The following KAZN variants were observed in gnomAD, a reference collection of about 807,000 sequenced individuals.
KAZN encodes the protein kazrin.
In KAZN, 40 loss-of-function variants were observed where a neutral mutation model predicts 87.4. The ratio of observed to expected loss-of-function variants is 0.46; its 90% confidence interval spans 0.36 to 0.60. The LOEUF is 0.60. Among genes scored for constraint, KAZN ranks in the 20% least tolerant of loss-of-function variants. The pLI is 0.00. For synonymous variants in KAZN, 466 were observed against 458.3 expected, an observed-to-expected ratio of 1.02 and a Z score of -0.22; for missense variants, 898 against 1,073.9, an observed-to-expected ratio of 0.84 and a Z score of 2.29.
intron 1 of KAZN, among the ~76,000 whole-genome samples, chr1:14,139,290 C>T (rs374809280): frequency 2.0e-5 from 3 of 152,290 alleles, no homozygotes; most frequent in East Asian, 3.9e-4. Flanking sequence ...CCAAGCTTCT[C>T]GCTATGGTAA....
chr1:14,037,227 A>G (rs146522113), intron 1 of KAZN, among the ~76,000 whole-genome samples: 5 of 152,354 alleles, frequency 3.3e-5, no homozygotes, highest in South Asian at 4.1e-4. Context: ...TAATGGCTAC[A>G]TGGCAGTTCC....
chr1:14,592,227 G>A (rs1162118206), intron 2 of KAZN, among the ~76,000 whole-genome samples: 2 of 152,208 alleles, frequency 1.3e-5, no homozygotes, highest in Non-Finnish European at 2.9e-5. Context: ...CGTCTGTGGA[G>A]AGGGAGGGTA....
intron 13 of KAZN, among the ~76,000 whole-genome samples, chr1:15,109,687 ATG>A (rs1302910365): frequency 2.7e-5 from 4 of 150,340 alleles, no homozygotes; most frequent in Non-Finnish European, 5.9e-5. Context: ...ATATGGGTGT[ATG>A]TGTATGTTTG....
chr1:14,494,713 C>T (rs1157868661), intron 2 of KAZN, among the ~76,000 whole-genome samples: 1 of 152,168 alleles, frequency 6.6e-6, no homozygotes, highest in Non-Finnish European at 1.5e-5. Context: ...CCAAAATCTC[C>T]AGGAAGCATT....
At chr1:14,350,612 G>A (rs1388112654) in intron 2 of KAZN, among the ~76,000 whole-genome samples, 1 of 152,326 alleles carries the variant, frequency 6.6e-6, no homozygotes, top group East Asian at 1.9e-4. Context: ...TGAATATCCA[G>A]CAATGCACTG....
At chr1:14,913,280 G>A (rs1260829316) in intron 1 of KAZN, among the ~76,000 whole-genome samples, 1 of 152,184 alleles carries the variant, frequency 6.6e-6, no homozygotes, top group African/African-American at 2.4e-5. Context: ...TGATCTGGGA[G>A]AAACATTCCA....
intron 1 of KAZN, among the ~76,000 whole-genome samples, chr1:14,912,146 A>C (rs1287175959): frequency 4.3e-4 from 2 of 4,662 alleles, no homozygotes; most frequent in Non-Finnish European, 1.1e-3. Context: ...CTCCACCTCA[A>C]AAAAAAAAAA....
chr1:14,312,398 C>G (rs1308111497), intron 2 of KAZN, among the ~76,000 whole-genome samples: 3 of 152,140 alleles, frequency 2.0e-5, no homozygotes, highest in Non-Finnish European at 2.9e-5. Flanking sequence ...GTTTTCCCAA[C>G]TTAATAGATA....
intron 2 of KAZN, among the ~76,000 whole-genome samples, chr1:14,375,647 G>A (rs796476103): frequency 6.6e-6 from 1 of 152,168 alleles, no homozygotes; most frequent in African/African-American, 2.4e-5. Flanking sequence ...AGCACTTTGG[G>A]AGGCCGAGGT....
At chr1:14,509,339 A>G (rs1006896227) in intron 2 of KAZN, among the ~76,000 whole-genome samples, 2 of 152,220 alleles carry the variant, frequency 1.3e-5, no homozygotes, top group Non-Finnish European at 2.9e-5. Flanking sequence ...GAAGTGACTT[A>G]GCTTAAGTCA....
chr1:13,963,702 CAAA>C (rs775519210), intron 1 of KAZN, among the ~76,000 whole-genome samples: 4,186 of 151,638 alleles, frequency 0.028, 80 homozygotes, highest in Middle Eastern at 0.068. Context: ...AACAAAAAAA[CAAA>C]AAACCTTCAT....
chr1:15,081,003 G>C lies in KAZN; in HGVS notation c.1223-13177G>C, dbSNP rs899227040. On this transcript the variant is annotated intron_variant, in intron 8 of 14. Coordinates refer to ENST00000376030, the MANE Select transcript of KAZN (RefSeq NM_201628.3). This position sits in a 1 kb window ranked among gnomAD's most constrained non-coding sequence, Gnocchi z 4.1. ...AGTGCCAAAGTTCAGAGGCCTTGCCGTAGGCAGAGGGACAAGAGAATGGTA... is the reference window on the plus strand; with the variant it reads ...AGTGCCAAAGTTCAGAGGCCTTGCCCTAGGCAGAGGGACAAGAGAATGGTA... 6.6e-6 allele frequency among the ~76,000 whole-genome samples: 1 copy of C among 152,270 alleles called. No homozygotes were observed. Among genetic ancestry groups the C allele is most frequent in the African/African-American group, 2.4e-5 (1 of 41,480 alleles).
intron 2 of KAZN, among the ~76,000 whole-genome samples, chr1:14,342,932 G>A (rs1479416229): frequency 6.6e-6 from 1 of 152,176 alleles, no homozygotes; most frequent in Non-Finnish European, 1.5e-5. Flanking sequence ...CCTGAGGTCA[G>A]GAGTTTGAGA....
At chr1:14,465,988 A>G (rs1488724126) in intron 2 of KAZN, among the ~76,000 whole-genome samples, 1 of 152,194 alleles carries the variant, frequency 6.6e-6, no homozygotes, top group East Asian at 1.9e-4. Flanking sequence ...AATTGACTGC[A>G]GCATTCAGTA....
chr1:14,101,700 T>C (rs575930569), intron 1 of KAZN, among the ~76,000 whole-genome samples: 54 of 152,236 alleles, frequency 3.5e-4, no homozygotes, highest in Non-Finnish European at 7.2e-4. Flanking sequence ...GAGTTTCCTT[T>C]AATATTTACA....
At chr1:14,606,491 C>T (rs1677370212) in intron 1 of KAZN, among the ~76,000 whole-genome samples, 1 of 152,108 alleles carries the variant, frequency 6.6e-6, no homozygotes, top group Non-Finnish European at 1.5e-5. Context: ...CTATTTTGAT[C>T]CTGGACTTGG....
chr1:14,708,675 C>T (rs775367391), intron 1 of KAZN, among the ~76,000 whole-genome samples: 4 of 152,184 alleles, frequency 2.6e-5, no homozygotes, highest in Admixed American at 6.5e-5. Context: ...TGAACAGCCC[C>T]GGCTTCAGAT....
At chr1:14,907,496 A>ATTG (rs1158656082) in intron 1 of KAZN, among the ~76,000 whole-genome samples, 2 of 151,962 alleles carry the variant, frequency 1.3e-5, no homozygotes, top group African/African-American at 4.8e-5. Context: ...CCAGGAGATG[A>ATTG]TTGTGTTCAG....
intron 1 of KAZN, among the ~76,000 whole-genome samples, chr1:14,662,124 G>A (rs1639216070): frequency 6.6e-6 from 1 of 152,170 alleles, no homozygotes; most frequent in African/African-American, 2.4e-5. Context: ...CAGGAAGGAG[G>A]CAAGAGGAGG....
Sources: allele counts gnomAD v4.1 joint callset (sites outside exome capture counted in the v4.1 genomes callset), GRCh38; gene constraint gnomAD v4.1.1; non-coding constraint Gnocchi (gnomAD v3.1); transcripts MANE v1.5; gene names NCBI Gene and HGNC (gene_info 2026-07-23, HGNC 2026-07-21).